Variants in CPED1 observed in about 807,000 individuals in gnomAD.
CPED1 encodes cadherin like and PC-esterase domain containing 1.
CPED1 carries 114 observed loss-of-function variants against 128.2 expected under a neutral mutation model. The ratio of observed to expected loss-of-function variants is 0.89; its 90% CI spans 0.76 to 1.04. The LOEUF is 1.04. Among genes scored for constraint, CPED1 ranks in the 50% least tolerant of loss-of-function variants. The pLI, the probability that CPED1 is intolerant of heterozygous loss-of-function variation, is 0.00. For missense variants in CPED1, 1,211 were observed against 1,207.1 expected, an observed-to-expected ratio of 1.00 and a Z score of -0.05; for synonymous variants, 462 against 426.7, an observed-to-expected ratio of 1.08 and a Z score of -1.02.
At chr7:121,235,371 T>C (rs568527256) in intron 16 of CPED1, among the ~76,000 whole-genome samples, 3 of 152,238 alleles carry the variant, frequency 2.0e-5, no homozygotes, top group African/African-American at 7.2e-5. Context: ...AATTAAGAAA[T>C]GAAAATATGT....
At chr7:121,062,376 CTAT>C (rs1397570272) in intron 4 of CPED1, among the ~76,000 whole-genome samples, 1 of 152,184 alleles carries the variant, frequency 6.6e-6, no homozygotes, top group Non-Finnish European at 1.5e-5. Flanking sequence ...CAAAAAATCT[CTAT>C]TACAACACTA....
At chr7:121,290,714 A>G (rs1584658582) in intron 22 of CPED1, among the ~76,000 whole-genome samples, 1 of 152,158 alleles carries the variant, frequency 6.6e-6, no homozygotes. Flanking sequence ...CCTTTGTTAG[A>G]TGGACAGATT....
At chr7:121,065,668 C>A (rs1211381923) in intron 5 of CPED1, among the ~76,000 whole-genome samples, 3 of 152,024 alleles carry the variant, frequency 2.0e-5, no homozygotes, top group Non-Finnish European at 4.4e-5. Flanking sequence ...TAAAAAGTTC[C>A]CCAAGCAATT....
At chr7:121,094,263 T>C (rs1794645034) in intron 5 of CPED1, among the ~76,000 whole-genome samples, 1 of 152,208 alleles carries the variant, frequency 6.6e-6, no homozygotes. Context: ...CAAGACAATA[T>C]TCAAACATCT....
intron 2 of CPED1, among the ~76,000 whole-genome samples, chr7:121,014,743 A>G (rs920473309): frequency 2.0e-5 from 3 of 151,860 alleles, no homozygotes; most frequent in African/African-American, 4.8e-5. Flanking sequence ...TAGATTCCCA[A>G]TTGTGTTTTT....
intron 22 of CPED1, among the ~76,000 whole-genome samples, chr7:121,279,854 G>A (rs192513708): frequency 7.9e-5 from 12 of 152,294 alleles, no homozygotes; most frequent in East Asian, 3.9e-4. Flanking sequence ...TAAAGTTGGC[G>A]TGTGAAGGGA....
At chr7:121,161,064 C>T (rs1385330807) in intron 16 of CPED1, among the ~76,000 whole-genome samples, 2 of 152,146 alleles carry the variant, frequency 1.3e-5, no homozygotes, top group East Asian at 1.9e-4. Context: ...CCAACCCTTC[C>T]GTGTTACTTT....
chr7:121,088,532 G>A lies in CPED1; in HGVS notation c.617-9167G>A, dbSNP rs148211214. ...AAATTAGTTGGGTGTGATGGTGTGCGCCTGTAATTCCAGCTACTCGGGAGG... is the reference window on the plus strand; with the variant it reads ...AAATTAGTTGGGTGTGATGGTGTGCACCTGTAATTCCAGCTACTCGGGAGG... On this transcript the variant is annotated intron_variant, in intron 5 of 22. Transcript: ENST00000310396. 3.7e-3 allele frequency among the ~76,000 whole-genome samples: 556 copies of A among 151,562 alleles called. 3 individuals are homozygous for A. Among genetic ancestry groups the A allele is most frequent in the African/African-American group, 0.013 (519 of 41,336 alleles).
In CPED1 at chr7:120,989,575, G is replaced by A. The variant is rs1168324635; in HGVS notation, c.-47G>A. The A allele has an allele frequency of 1.2e-6, 2 of 1,600,966 alleles. No individual in the cohort carries two copies. Among genetic ancestry groups the A allele is most frequent in the Non-Finnish European group, 1.7e-6 (2 of 1,174,234 alleles). ...CATGCTGACAAAAAATAGCTGCTAT[G>A]ACTTTTCCCGCAACGTGGACAGGGG... On this transcript the variant is annotated 5_prime_UTR_variant, in exon 2 of 23. An upstream start codon of the reference 5' UTR is lost. Coordinates refer to ENST00000310396, the MANE Select transcript of CPED1 (RefSeq NM_024913.5).
At chr7:121,074,133 G>A (rs1794061387) in intron 5 of CPED1, among the ~76,000 whole-genome samples, 1 of 152,076 alleles carries the variant, frequency 6.6e-6, no homozygotes, top group East Asian at 1.9e-4. Flanking sequence ...GAGACATTGT[G>A]TTTGAGGGCA....
intron 4 of CPED1, among the ~76,000 whole-genome samples, chr7:121,055,165 T>C (rs1039630646): frequency 3.2e-4 from 48 of 152,192 alleles, no homozygotes; most frequent in Non-Finnish European, 5.1e-4. Flanking sequence ...GCCATAAACC[T>C]TTGCATAGAG....
chr7:121,262,592 A>T (rs4731005), intron 18 of CPED1, among the ~76,000 whole-genome samples: 57,809 of 151,908 alleles, frequency 0.38, 11,432 homozygotes, highest in Middle Eastern at 0.48. Context: ...ATAACCATGC[A>T]TGCTAATGTA....
rs140161367 is a variant in CPED1 at position 120,993,532 on chromosome 7, T to G, written c.249+3662T>G. On this transcript the variant is annotated intron_variant, in intron 2 of 22. Coordinates refer to ENST00000310396, the MANE Select transcript of CPED1 (RefSeq NM_024913.5). ...GCCCAGTGCAAATAAGTGGATGTTC[T>G]CATTGAAAATGATCTAATTAATCTT... Among the ~76,000 whole-genome samples, 502 of 152,350 alleles carry G rather than the reference T, an allele frequency of 3.3e-3. 2 individuals carry two copies. The highest frequency in any genetic ancestry group is 0.012 in the African/African-American group (479 of 41,588).
At chr7:121,238,052 C>T (rs1380093924) in intron 17 of CPED1, among the ~76,000 whole-genome samples, 1 of 152,106 alleles carries the variant, frequency 6.6e-6, no homozygotes, top group East Asian at 1.9e-4. Context: ...CAGTTGTATT[C>T]CTCCTACTGG....
intron 15 of CPED1, 137 bp downstream of exon 15, chr7:121,141,150 T>C: frequency 1.7e-6 from 1 of 582,336 alleles, no homozygotes; most frequent in East Asian, 3.3e-5. Context: ...TTTCCCCTTC[T>C]CATTTTTTTT....
intron 18 of CPED1, among the ~76,000 whole-genome samples, chr7:121,256,263 C>T (rs745441286): frequency 6.6e-6 from 1 of 151,760 alleles, no homozygotes; most frequent in Non-Finnish European, 1.5e-5. Flanking sequence ...GAATAGAAAA[C>T]TCAGAGATAA....
chr7:121,249,033 A>ATT (rs1798605899), intron 18 of CPED1, among the ~76,000 whole-genome samples: 1 of 152,174 alleles, frequency 6.6e-6, no homozygotes, highest in Non-Finnish European at 1.5e-5. Flanking sequence ...TTCATAATAC[A>ATT]ATCAGAAGTA....
At chr7:121,244,881 G>C (rs1798488834) in intron 18 of CPED1, among the ~76,000 whole-genome samples, 1 of 152,156 alleles carries the variant, frequency 6.6e-6, no homozygotes, top group Non-Finnish European at 1.5e-5. Flanking sequence ...TTCCTTTAGT[G>C]AGGCTTCTAA....
intron 3 of CPED1, among the ~76,000 whole-genome samples, chr7:121,024,234 C>T (rs1036388999): frequency 7.5e-4 from 114 of 152,124 alleles, no homozygotes; most frequent in African/African-American, 2.7e-3. Flanking sequence ...GTTTAGACTA[C>T]AGGGACTTCA....
Sources: gnomAD v4.1 joint callset for allele counts (sites outside exome capture counted in the v4.1 genomes callset) on GRCh38, gnomAD v4.1.1 for gene constraint, MANE v1.5 for transcripts, NCBI Gene and HGNC (gene_info 2026-07-23, HGNC 2026-07-21) for gene names.